Variants in AUTS2 observed in about 807,000 individuals in gnomAD.
The protein encoded by AUTS2 is activator of transcription and developmental regulator AUTS2, also known as autism susceptibility gene 2 protein.
AUTS2 carries 17 observed loss-of-function variants against 112.4 expected under a neutral mutation model. That is an observed-to-expected ratio of 0.15 (90% CI 0.10 to 0.23). AUTS2 has a LOEUF of 0.23. Ranked by LOEUF, AUTS2 falls within the 10% of genes least tolerant of loss-of-function variation. The pLI, the probability that AUTS2 is intolerant of heterozygous loss-of-function variation, is 1.00. For synonymous variants in AUTS2, 751 were observed against 702.7 expected (o/e 1.07, Z -1.09); for missense variants, 1,510 against 1,701.6 (o/e 0.89, Z 1.98).
At chr7:69,978,894 A>ACACACACACACACG (rs1554418145) in intron 2 of AUTS2, among the ~76,000 whole-genome samples, 5 of 137,094 alleles carry the variant, frequency 3.6e-5, no homozygotes, top group Non-Finnish European at 8.2e-5. Flanking sequence ...ACACACACAC[A>ACACACACACACACG]CACACACGCA....
At chr7:70,240,798 A>G (rs927536281) in intron 4 of AUTS2, among the ~76,000 whole-genome samples, 2 of 152,234 alleles carry the variant, frequency 1.3e-5, no homozygotes, top group African/African-American at 4.8e-5. Flanking sequence ...TTAAGCCTAC[A>G]AAGTGTTTAT....
chr7:69,933,988 T>C (rs1796315818), intron 2 of AUTS2, among the ~76,000 whole-genome samples: 1 of 152,246 alleles, frequency 6.6e-6, no homozygotes, highest in South Asian at 2.1e-4. Context: ...CTGCACTGGT[T>C]TGTACTGTTC....
intron 1 of AUTS2, among the ~76,000 whole-genome samples, chr7:69,735,658 T>C (rs911687505): frequency 6.6e-6 from 1 of 152,148 alleles, no homozygotes; most frequent in Non-Finnish European, 1.5e-5. Flanking sequence ...GCCAGAAGCC[T>C]TGGGCTCCAT....
chr7:69,969,855 A>G lies in AUTS2; in HGVS notation c.522+70357A>G, dbSNP rs559123812. Among the ~76,000 whole-genome samples the G allele has an allele frequency of 2.6e-5, 4 of 152,298 alleles. No individual in the cohort carries two copies. The East Asian group carries it at 7.7e-4, about 29-fold the overall frequency. ...ATTTCTGCTGTGATGTTTGTCCAAA[A>G]CTATAAGAAAATACATCACACAATC... On this transcript the variant is annotated intron_variant, in intron 2 of 18. Transcript: ENST00000342771.
chr7:70,461,700 G>A (rs1368963116), intron 5 of AUTS2, among the ~76,000 whole-genome samples: 1 of 152,006 alleles, frequency 6.6e-6, no homozygotes, highest in Non-Finnish European at 1.5e-5. Flanking sequence ...AAAACTGAAC[G>A]GTAATGAGAT....
In AUTS2 at chr7:70,581,798, A is replaced by G. The variant is rs1802460552; in HGVS notation, c.691-116771A>G. On this transcript the variant is annotated intron_variant, in intron 5 of 18. Transcript: ENST00000342771. ...TATCACTTTTATTTCATCTTAATTC[A>G]GGCATTTTTTTAATGTGGTGTAGTT... Among the ~76,000 whole-genome samples, 3 of 152,230 alleles carry G rather than the reference A, an allele frequency of 2.0e-5. No homozygotes were observed. The South Asian group carries it at 6.2e-4, about 32-fold the overall frequency.
intron 4 of AUTS2, among the ~76,000 whole-genome samples, chr7:70,372,299 A>T (rs1463077054): frequency 1.3e-5 from 2 of 152,226 alleles, no homozygotes; most frequent in Non-Finnish European, 1.5e-5. Context: ...TTTAAAATGC[A>T]GGGAAGGTCA....
intron 5 of AUTS2, among the ~76,000 whole-genome samples, chr7:70,644,285 C>T (rs1001346982): frequency 6.6e-6 from 1 of 152,088 alleles, no homozygotes. Context: ...GTTGAAGGGA[C>T]GGAGGAGTGG....
chr7:69,711,488 C>T (rs59483768), intron 1 of AUTS2, among the ~76,000 whole-genome samples: 2,936 of 152,146 alleles, frequency 0.019, 95 homozygotes, highest in African/African-American at 0.064. Context: ...ATTAGAGATA[C>T]ATTTTTCTTG....
chr7:69,728,030 A>G (rs1467000574), intron 1 of AUTS2, among the ~76,000 whole-genome samples: 3 of 152,200 alleles, frequency 2.0e-5, no homozygotes, highest in Non-Finnish European at 2.9e-5. Context: ...TTAGTGTGGT[A>G]CACTAAAGAA....
At chr7:70,605,918 A>G (rs1803735092) in intron 5 of AUTS2, among the ~76,000 whole-genome samples, 1 of 152,206 alleles carries the variant, frequency 6.6e-6, no homozygotes, top group Admixed American at 6.5e-5. Context: ...AGGTCTGATG[A>G]GTGAGGCAGC....
intron 4 of AUTS2, among the ~76,000 whole-genome samples, chr7:70,387,940 C>A (rs924472420): frequency 2.0e-5 from 3 of 152,176 alleles, no homozygotes; most frequent in Non-Finnish European, 4.4e-5. Context: ...TTCTTCTAAG[C>A]CTACTGAATA....
At chr7:69,780,345 G>A (rs1789092889) in intron 1 of AUTS2, among the ~76,000 whole-genome samples, 1 of 152,176 alleles carries the variant, frequency 6.6e-6, no homozygotes, top group Non-Finnish European at 1.5e-5. Context: ...GGGCTCCAAA[G>A]TTATAAAATA....
At chr7:70,363,166 G>A (rs746145417) in intron 4 of AUTS2, among the ~76,000 whole-genome samples, 2 of 152,126 alleles carry the variant, frequency 1.3e-5, no homozygotes, top group Non-Finnish European at 2.9e-5. Flanking sequence ...ACATCTGTTT[G>A]GATCCATTCT....
chr7:70,088,526 TC>T (rs1803736029), intron 2 of AUTS2, among the ~76,000 whole-genome samples: 1 of 128,650 alleles, frequency 7.8e-6, no homozygotes, highest in African/African-American at 3.2e-5. Flanking sequence ...ACTTTTGCTC[TC>T]TTTTTTTTTT....
At chr7:70,729,814 A>C (rs1438177635) in intron 6 of AUTS2, among the ~76,000 whole-genome samples, 1 of 152,172 alleles carries the variant, frequency 6.6e-6, no homozygotes, top group Non-Finnish European at 1.5e-5. Context: ...ATGAACTTCT[A>C]ATTTCCTCTT....
intron 5 of AUTS2, among the ~76,000 whole-genome samples, chr7:70,649,960 A>C (rs117162809): frequency 6.6e-6 from 1 of 152,200 alleles, no homozygotes; most frequent in African/African-American, 2.4e-5. Context: ...CACAAGTAAC[A>C]GAACAAAATG....
intron 1 of AUTS2, among the ~76,000 whole-genome samples, chr7:69,682,671 G>A (rs1796854562): frequency 6.6e-6 from 1 of 152,132 alleles, no homozygotes; most frequent in Non-Finnish European, 1.5e-5. Flanking sequence ...CCTTCTGGTC[G>A]GTAGCAGCAG....
At chr7:69,965,267 A>G (rs1054686183) in intron 2 of AUTS2, among the ~76,000 whole-genome samples, 2 of 152,122 alleles carry the variant, frequency 1.3e-5, no homozygotes, top group Non-Finnish European at 2.9e-5. Flanking sequence ...TGTGCTAAGA[A>G]CTTTACATGC....
Sources: allele counts gnomAD v4.1 joint callset (sites outside exome capture counted in the v4.1 genomes callset), GRCh38; gene constraint gnomAD v4.1.1; transcripts MANE v1.5; gene names NCBI Gene and HGNC (gene_info 2026-07-23, HGNC 2026-07-21).